Variants in MBLAC1 observed in about 807,000 individuals in gnomAD.
MBLAC1 encodes metallo-beta-lactamase domain containing 1.
MBLAC1 carries 1 observed loss-of-function variant against 1.5 expected under a neutral mutation model. The ratio of observed to expected loss-of-function variants is 0.68; its 90% CI spans 0.24 to 3.21. The LOEUF is 3.21. Among genes scored for constraint, MBLAC1 ranks in the 30% most tolerant of loss-of-function variants. The pLI, the probability that MBLAC1 is intolerant of heterozygous loss-of-function variation, is 0.20. For missense variants in MBLAC1, 371 were observed against 384.7 expected (o/e 0.96, Z 0.30); for synonymous variants, 197 against 191.3 (o/e 1.03, Z -0.25).
chr7:100,127,819 G>A lies in MBLAC1; in HGVS notation c.424G>A (p.Gly142Ser), dbSNP rs1798266720. The A allele has an allele frequency of 6.4e-7, 1 of 1,571,410 alleles. No individual in the cohort carries two copies. The highest frequency in any genetic ancestry group is 1.4e-5 in the African/African-American group (1 of 73,792). ...CTCGCACGACTTCTGCCTTCCCGGA[G>A]GCCGCTACCTGCCCCACGGGCTGGG... ...LVSHDFCLPG[G>S]RYLPHGLGEG... is the part of the protein sequence containing the mutation. Residue 142 changes from glycine (G) to serine (S), a missense_variant, in exon 2 of 2, where the codon GGC (glycine) becomes AGC (serine). Coordinates refer to ENST00000398075, the MANE Select transcript of MBLAC1 (RefSeq NM_203397.3). The surrounding 1 kb of genome is among the most constrained non-coding windows in gnomAD (Gnocchi z 4.6).
chr7:100,128,472 T>TA lies in MBLAC1; in HGVS notation c.*281dup. ...AGGTTCGTGGGAGGGGCCTCCAAAATAAAAATGGAAACTGCATTGAAAATC... is the reference window on the plus strand; with the variant it reads ...AGGTTCGTGGGAGGGGCCTCCAAAATAAAAAATGGAAACTGCATTGAAAATC... On this transcript the variant is annotated 3_prime_UTR_variant, in exon 2 of 2. Transcript: ENST00000398075. 2.3e-6 allele frequency: 1 copy of TA among 438,562 alleles called. No homozygotes were observed. Among genetic ancestry groups the TA allele is most frequent in the South Asian group, 5.7e-5 (1 of 17,578 alleles). The allele number at this position is 438,562 out of a possible 1,614,324, so 27.2% of individuals were successfully genotyped here.
rs1584594401 is a variant in MBLAC1 at position 100,127,876 on chromosome 7, C to A, written c.481C>A (p.Leu161Ile). The A allele has an allele frequency of 6.4e-7, 1 of 1,560,650 alleles. No individual in the cohort carries two copies. The highest frequency in any genetic ancestry group is 8.7e-7 in the Non-Finnish European group (1 of 1,151,726). Residue 161 changes from leucine (L) to isoleucine (I), a missense_variant, in exon 2 of 2, where the codon CTC becomes ATC. Coordinates refer to ENST00000398075, the MANE Select transcript of MBLAC1 (RefSeq NM_203397.3). This position sits in a 1 kb window ranked among gnomAD's most constrained non-coding sequence, Gnocchi z 4.6. ...EGQPLRLGPG[L>I]EVWATPGHGG... ...GCAGCCCCTGCGCCTGGGCCCGGGGCTCGAGGTGTGGGCCACGCCGGGCCA... is the reference window on the plus strand; with the variant it reads ...GCAGCCCCTGCGCCTGGGCCCGGGGATCGAGGTGTGGGCCACGCCGGGCCA...
At position 100,127,872 on chromosome 7, in the gene MBLAC1, G is replaced by C; in HGVS notation, c.477G>C (p.Pro159=). 1 of 1,559,062 alleles carries C rather than the reference G, an allele frequency of 6.4e-7. No individual in the cohort carries two copies. The highest frequency in any genetic ancestry group is 8.7e-7 in the Non-Finnish European group (1 of 1,150,848). ...LGEGQPLRLG[P]GLEVWATPGH... is the part of the protein sequence containing the mutation. ...AGGGGCAGCCCCTGCGCCTGGGCCC[G>C]GGGCTCGAGGTGTGGGCCACGCCGG... The change falls in exon 2 of 2, where the codon CCG becomes CCC. Residue 159 remains proline (P), a synonymous_variant. Transcript: ENST00000398075. The surrounding 1 kb of genome is among the most constrained non-coding windows in gnomAD (Gnocchi z 4.6).
chr7:100,127,216 A>C lies in MBLAC1; in HGVS notation c.-29+152A>C. On this transcript the variant is annotated intron_variant, in intron 1 of 1. Transcript: ENST00000398075. The surrounding 1 kb of genome is among the most constrained non-coding windows in gnomAD (Gnocchi z 4.6). ...CAAGTGTGAAGGGAGTCTGGGCGAT[A>C]CCATTTTGGGCAGGGGTTGAGGGTG... 1 of 591,726 alleles carries C rather than the reference A, an allele frequency of 1.7e-6. No homozygotes were observed. Among genetic ancestry groups the C allele is most frequent in the African/African-American group, 2.0e-5 (1 of 50,804 alleles). The allele number at this position is 591,726 out of a possible 1,614,324, so 36.7% of individuals were successfully genotyped here.
chr7:100,127,200 A>G lies in MBLAC1; in HGVS notation c.-29+136A>G. 1 of 561,916 alleles carries G rather than the reference A, an allele frequency of 1.8e-6. No individual in the cohort carries two copies. 34.8% of individuals were successfully genotyped at this position (561,916 alleles called of 1,614,324 possible). On this transcript the variant is annotated intron_variant, in intron 1 of 1. Transcript: ENST00000398075. This position sits in a 1 kb window ranked among gnomAD's most constrained non-coding sequence, Gnocchi z 4.6. ...GAGGGAGGGGCGGGCCCAAGTGTGA[A>G]GGGAGTCTGGGCGATACCATTTTGG...
In MBLAC1 at chr7:100,127,192, A is replaced by C. The variant is rs1798245672; in HGVS notation, c.-29+128A>C. ...AGGACGCCGAGGGAGGGGCGGGCCC[A>C]AGTGTGAAGGGAGTCTGGGCGATAC... On this transcript the variant is annotated intron_variant, in intron 1 of 1. Transcript: ENST00000398075. This position sits in a 1 kb window ranked among gnomAD's most constrained non-coding sequence, Gnocchi z 4.6. The C allele has an allele frequency of 1.8e-6, 1 of 550,406 alleles. No individual in the cohort carries two copies. Among genetic ancestry groups the C allele is most frequent in the African/African-American group, 2.0e-5 (1 of 50,038 alleles). The allele number at this position is 550,406 out of a possible 1,614,324, so 34.1% of individuals were successfully genotyped here.
At position 100,127,113 on chromosome 7, in the gene MBLAC1, T is replaced by C; in HGVS notation, c.-29+49T>C. 2.1e-6 allele frequency: 1 copy of C among 480,554 alleles called. No individual in the cohort carries two copies. The highest frequency in any genetic ancestry group is 3.7e-6 in the Non-Finnish European group (1 of 269,442). The allele number at this position is 480,554 out of a possible 1,614,324, so 29.8% of individuals were successfully genotyped here. On this transcript the variant is annotated intron_variant, in intron 1 of 1. Coordinates refer to ENST00000398075, the MANE Select transcript of MBLAC1 (RefSeq NM_203397.3). This position sits in a 1 kb window ranked among gnomAD's most constrained non-coding sequence, Gnocchi z 4.6. ...GGAGGGAAACATAAAGGATAGCCTT[T>C]GGAGGGTGACGGGCAAGGACGTACG...
In MBLAC1 at chr7:100,127,549, C is replaced by A. The variant is rs1404328834; in HGVS notation, c.154C>A (p.Arg52=). The A allele has an allele frequency of 6.8e-7, 1 of 1,473,278 alleles. No individual in the cohort carries two copies. Among genetic ancestry groups the A allele is most frequent in the East Asian group, 2.7e-5 (1 of 37,546 alleles). The allele number at this position is 1,473,278 out of a possible 1,614,324, so 91.3% of individuals were successfully genotyped here. The change falls in exon 2 of 2, where the codon CGG becomes AGG. Residue 52 remains arginine (R), a synonymous_variant. Coordinates refer to ENST00000398075, the MANE Select transcript of MBLAC1 (RefSeq NM_203397.3). This position sits in a 1 kb window ranked among gnomAD's most constrained non-coding sequence, Gnocchi z 4.6. ...GSVTLVLPQT[R]GPASSHRESP... ...CGTGACCCTGGTCCTACCCCAGACC[C>A]GGGGCCCGGCCTCCAGCCACCGAGA...
Position 100,127,803 on chromosome 7 carries a change from C to T in MBLAC1, c.408C>T (p.Asp136=), listed in dbSNP as rs1431842509. 1 of 1,580,338 alleles carries T rather than the reference C, an allele frequency of 6.3e-7. No homozygotes were observed. Among genetic ancestry groups the T allele is most frequent in the Admixed American group, 1.8e-5 (1 of 55,864 alleles). ...GCGCGGCTCTGCTGGTCTCGCACGA[C>T]TTCTGCCTTCCCGGAGGCCGCTACC... ...FPGAALLVSH[D]FCLPGGRYLP... Residue 136 remains aspartate (D), a synonymous_variant, in exon 2 of 2, where the codon GAC becomes GAT. Transcript: ENST00000398075. The surrounding 1 kb of genome is among the most constrained non-coding windows in gnomAD (Gnocchi z 4.6).
chr7:100,128,089 G>A lies in MBLAC1; in HGVS notation c.694G>A (p.Gly232Arg). The stretch of plus-strand genomic sequence containing the variant: ...TGCCGACGTGGTCGTACCTGGTCAC[G>A]GGCCCCCCTTTCGAGTGTTAAGGGA... Reference protein sequence around the residue: ...VVADVVVPGHGPPFRVLREAS... With the variant: ...VVADVVVPGHRPPFRVLREAS... The change falls in exon 2 of 2, where the codon GGG (glycine) becomes AGG (arginine). Residue 232 changes from glycine (G) to arginine (R), a missense_variant. Transcript: ENST00000398075. 1 of 1,610,432 alleles carries A rather than the reference G, an allele frequency of 6.2e-7. No homozygotes were observed. The highest frequency in any genetic ancestry group is 1.7e-5 in the Admixed American group (1 of 59,540).
At position 100,128,243 on chromosome 7, in the gene MBLAC1, G is replaced by C; in HGVS notation, c.*47G>C. On this transcript the variant is annotated 3_prime_UTR_variant, in exon 2 of 2. Transcript: ENST00000398075. ...CTCTTGTCAGGGAAGCCCTAACAGC[G>C]AAGAGCTGCTGGAGACAGAGTCAGA... The C allele has an allele frequency of 1.3e-6, 2 of 1,495,828 alleles. No homozygotes were observed. Among genetic ancestry groups the C allele is most frequent in the South Asian group, 2.6e-5 (2 of 77,932 alleles). 92.7% of individuals were successfully genotyped at this position (1,495,828 alleles called of 1,614,324 possible).
chr7:100,127,886 G>T lies in MBLAC1; in HGVS notation c.491G>T (p.Trp164Leu). The change falls in exon 2 of 2, where the codon TGG (tryptophan) becomes TTG (leucine). Residue 164 changes from tryptophan to leucine, a missense_variant. Transcript: ENST00000398075. The surrounding 1 kb of genome is among the most constrained non-coding windows in gnomAD (Gnocchi z 4.6). The part of the protein sequence containing the change: ...PLRLGPGLEV[W>L]ATPGHGGQRD... ...CGCCTGGGCCCGGGGCTCGAGGTGT[G>T]GGCCACGCCGGGCCACGGGGGCCAG... 6.4e-7 allele frequency: 1 copy of T among 1,562,674 alleles called. No homozygotes were observed. Among genetic ancestry groups the T allele is most frequent in the Non-Finnish European group, 8.7e-7 (1 of 1,152,884 alleles).
Position 100,127,542 on chromosome 7 carries a change from C to A in MBLAC1, c.147C>A (p.Pro49=). Residue 49 remains proline, a synonymous_variant, in exon 2 of 2, where the codon CCC becomes CCA. Transcript: ENST00000398075. This position sits in a 1 kb window ranked among gnomAD's most constrained non-coding sequence, Gnocchi z 4.6. ...ACGGCTCCGTGACCCTGGTCCTACC[C>A]CAGACCCGGGGCCCGGCCTCCAGCC... ...RADGSVTLVL[P]QTRGPASSHR... is the part of the protein sequence containing the mutation. 1 of 1,504,866 alleles carries A rather than the reference C, an allele frequency of 6.6e-7. No homozygotes were observed. Among genetic ancestry groups the A allele is most frequent in the East Asian group, 2.6e-5 (1 of 38,706 alleles). 93.2% of individuals were successfully genotyped at this position (1,504,866 alleles called of 1,614,324 possible).
rs1798273781 is a variant in MBLAC1 at position 100,127,991 on chromosome 7, A to G, written c.596A>G (p.Asp199Gly). 3 of 1,613,088 alleles carry G rather than the reference A, an allele frequency of 1.9e-6. No homozygotes were observed. The highest frequency in any genetic ancestry group is 2.5e-6 in the Non-Finnish European group (3 of 1,179,680). Reference sequence around the variant, plus strand: ...GGAGATGTGTTTGAGCGAGATGGGGACGAGGATTCGTGGCAGGCACTGAGT... The same window carrying G: ...GGAGATGTGTTTGAGCGAGATGGGGGCGAGGATTCGTGGCAGGCACTGAGT... The part of the protein sequence containing the change: ...VAGDVFERDG[D>G]EDSWQALSED... Residue 199 changes from aspartate to glycine, a missense_variant, in exon 2 of 2, where the codon GAC becomes GGC. Asp to Gly is a moderately conservative substitution (Grantham distance 94). Coordinates refer to ENST00000398075, the MANE Select transcript of MBLAC1 (RefSeq NM_203397.3). This position sits in a 1 kb window ranked among gnomAD's most constrained non-coding sequence, Gnocchi z 4.6.
Position 100,127,119 on chromosome 7 carries a change from G to C in MBLAC1, c.-29+55G>C. ...AAACATAAAGGATAGCCTTTGGAGG[G>C]TGACGGGCAAGGACGTACGTACCGC... On this transcript the variant is annotated intron_variant, in intron 1 of 1. Coordinates refer to ENST00000398075, the MANE Select transcript of MBLAC1 (RefSeq NM_203397.3). This position sits in a 1 kb window ranked among gnomAD's most constrained non-coding sequence, Gnocchi z 4.6. 1 of 494,768 alleles carries C rather than the reference G, an allele frequency of 2.0e-6. No homozygotes were observed. Among genetic ancestry groups the C allele is most frequent in the East Asian group, 3.7e-5 (1 of 26,898 alleles). The allele number at this position is 494,768 out of a possible 1,614,324, so 30.6% of individuals were successfully genotyped here. A position where few individuals can be genotyped will look rare whatever the true frequency, so the allele number is the denominator to read the frequency against.
Position 100,127,833 on chromosome 7 carries a change from C to T in MBLAC1, c.438C>T (p.Pro146=), listed in dbSNP as rs767403542. 1.9e-5 allele frequency: 30 copies of T among 1,565,678 alleles called. No homozygotes were observed. The Admixed American group carries it at 4.7e-4, about 25-fold the overall frequency. ...GCCTTCCCGGAGGCCGCTACCTGCC[C>T]CACGGGCTGGGTGAGGGGCAGCCCC... ...DFCLPGGRYL[P]HGLGEGQPLR... The change falls in exon 2 of 2, where the codon CCC becomes CCT. Residue 146 remains proline, a synonymous_variant. Coordinates refer to ENST00000398075, the MANE Select transcript of MBLAC1 (RefSeq NM_203397.3). This position sits in a 1 kb window ranked among gnomAD's most constrained non-coding sequence, Gnocchi z 4.6.
In MBLAC1 at chr7:100,128,235, C is replaced by T; in HGVS notation, c.*39C>T. The T allele has an allele frequency of 6.6e-7, 1 of 1,516,866 alleles. No homozygotes were observed. Among genetic ancestry groups the T allele is most frequent in the Non-Finnish European group, 8.9e-7 (1 of 1,123,692 alleles). 94.0% of individuals were successfully genotyped at this position (1,516,866 alleles called of 1,614,324 possible). A position where few individuals can be genotyped will look rare whatever the true frequency, so the allele number is the denominator to read the frequency against. On this transcript the variant is annotated 3_prime_UTR_variant, in exon 2 of 2. Transcript: ENST00000398075. ...GGACTGCACTCTTGTCAGGGAAGCC[C>T]TAACAGCGAAGAGCTGCTGGAGACA...
Position 100,128,276 on chromosome 7 carries a change from A to G in MBLAC1, c.*80A>G, listed in dbSNP as rs1798283478. ...GCTGGAGACAGAGTCAGAGCAGTCA[A>G]GGGTGGGAGCTTCCAGCCCTTCCAG... On this transcript the variant is annotated 3_prime_UTR_variant, in exon 2 of 2. Transcript: ENST00000398075. The G allele has an allele frequency of 7.3e-7, 1 of 1,373,088 alleles. No homozygotes were observed. Among genetic ancestry groups the G allele is most frequent in the African/African-American group, 1.5e-5 (1 of 68,866 alleles). 85.1% of individuals were successfully genotyped at this position (1,373,088 alleles called of 1,614,324 possible). A position where few individuals can be genotyped will look rare whatever the true frequency, so the allele number is the denominator to read the frequency against.
chr7:100,127,212 C>T lies in MBLAC1; in HGVS notation c.-29+148C>T. Reference sequence around the variant, plus strand: ...GGCCCAAGTGTGAAGGGAGTCTGGGCGATACCATTTTGGGCAGGGGTTGAG... The same window carrying T: ...GGCCCAAGTGTGAAGGGAGTCTGGGTGATACCATTTTGGGCAGGGGTTGAG... On this transcript the variant is annotated intron_variant, in intron 1 of 1. Coordinates refer to ENST00000398075, the MANE Select transcript of MBLAC1 (RefSeq NM_203397.3). The surrounding 1 kb of genome is among the most constrained non-coding windows in gnomAD (Gnocchi z 4.6). The T allele has an allele frequency of 6.8e-6, 4 of 587,346 alleles. No homozygotes were observed. The highest frequency in any genetic ancestry group is 1.2e-5 in the Non-Finnish European group (4 of 344,374). The allele number at this position is 587,346 out of a possible 1,614,324, so 36.4% of individuals were successfully genotyped here.
Sources: allele counts gnomAD v4.1 joint callset, GRCh38; gene constraint gnomAD v4.1.1; non-coding constraint Gnocchi (gnomAD v3.1); transcripts MANE v1.5; gene names NCBI Gene and HGNC (gene_info 2026-07-23, HGNC 2026-07-21).